Variants in AKR1E2 observed in about 807,000 individuals in gnomAD.
AKR1E2 encodes the protein aldo-keto reductase family 1 member E2.
A neutral mutation model predicts 41.9 loss-of-function variants in AKR1E2; 43 were observed. The ratio of observed to expected loss-of-function variants is 1.03; its 90% CI spans 0.80 to 1.32. The LOEUF (loss-of-function observed/expected upper bound fraction) is 1.32, where lower values mean the gene tolerates loss of function less well. Among genes scored for constraint, AKR1E2 ranks in the 40% most tolerant of loss-of-function variants. The pLI is 0.00. For missense variants in AKR1E2, 423 were observed against 396.5 expected (o/e 1.07, Z -0.57); for synonymous variants, 121 against 138.9 (o/e 0.87, Z 0.91).
At chr10:4,851,387 C>G (rs1031337511), downstream of AKR1E2, among the ~76,000 whole-genome samples, 1 of 152,212 alleles carries the variant, frequency 6.6e-6, no homozygotes, top group Admixed American at 6.5e-5. Flanking sequence ...ATGGGCGTGA[C>G]TCTAGGCCCA....
chr10:4,836,611 G>C (rs1469375776), intron 4 of AKR1E2, among the ~76,000 whole-genome samples: 1 of 152,196 alleles, frequency 6.6e-6, no homozygotes, highest in African/African-American at 2.4e-5. Context: ...GGAACCCTCG[G>C]ACAGGGAGGA....
At chr10:4,838,862 A>G (rs1467189975) in intron 5 of AKR1E2, among the ~76,000 whole-genome samples, 2 of 152,186 alleles carry the variant, frequency 1.3e-5, no homozygotes, top group African/African-American at 2.4e-5. Flanking sequence ...TGATTATGGC[A>G]TAGTCTGAGT....
In AKR1E2 at chr10:4,846,623, G is replaced by A. The variant is rs572532188; in HGVS notation, c.838-525G>A. Among the ~76,000 whole-genome samples the A allele has an allele frequency of 1.5e-4, 22 of 151,220 alleles. 1 individual carries two copies. The South Asian group carries it at 4.6e-3, about 32-fold the overall frequency. ...TGCAGTGGTGCGATCTCGGCTCACT[G>A]CAACCTCCACCTCCTGGGTTCAAGC... On this transcript the variant is annotated intron_variant, in intron 8 of 9. Transcript: ENST00000298375.
intron 8 of AKR1E2, among the ~76,000 whole-genome samples, chr10:4,845,135 C>G (rs535987013): frequency 6.6e-6 from 1 of 152,198 alleles, no homozygotes; most frequent in Non-Finnish European, 1.5e-5. Flanking sequence ...GGACCTAGCA[C>G]GCCCTCCTCA....
At chr10:4,830,863 G>C in intron 2 of AKR1E2, 21 bp downstream of exon 2, 1 of 1,613,500 alleles carries the variant, frequency 6.2e-7, no homozygotes, top group Non-Finnish European at 8.5e-7. Context: ...TCTATGCAAG[G>C]CTGGCAGAGC....
At chr10:4,839,321 G>A (rs1247560195) in intron 5 of AKR1E2, among the ~76,000 whole-genome samples, 1 of 152,190 alleles carries the variant, frequency 6.6e-6, no homozygotes, top group Non-Finnish European at 1.5e-5. Context: ...CTATCTTCAT[G>A]AGGCTTAGAT....
the AKR1E2 span, among the ~76,000 whole-genome samples, chr10:4,855,450 A>G: frequency 6.6e-6 from 1 of 152,148 alleles, no homozygotes; most frequent in Non-Finnish European, 1.5e-5. Context: ...TCCCAGAAAA[A>G]AACCGGATGA....
chr10:4,870,792 C>T, the AKR1E2 span, among the ~76,000 whole-genome samples: 1 of 151,994 alleles, frequency 6.6e-6, no homozygotes, highest in East Asian at 1.9e-4. Flanking sequence ...GATCACTTAT[C>T]TTCTTACTCT....
chr10:4,825,276 G>A (rs2961563), upstream of AKR1E2, among the ~76,000 whole-genome samples: 107,534 of 152,022 alleles, frequency 0.71, 39,755 homozygotes, highest in East Asian at 0.91. Flanking sequence ...AAGGAACCTA[G>A]AAACAAAGCC....
chr10:4,829,704 C>T (rs541003170), intron 1 of AKR1E2, among the ~76,000 whole-genome samples: 2 of 152,100 alleles, frequency 1.3e-5, no homozygotes, highest in African/African-American at 4.8e-5. Flanking sequence ...AAGTTATTGA[C>T]ATATAGTTAT....
chr10:4,835,447 T>C (rs1368303138), intron 3 of AKR1E2, among the ~76,000 whole-genome samples: 2 of 152,134 alleles, frequency 1.3e-5, no homozygotes, highest in Non-Finnish European at 2.9e-5. Context: ...TCCTTTCCCA[T>C]CTTGTGAGAG....
At chr10:4,872,616 T>G in the AKR1E2 span, among the ~76,000 whole-genome samples, 1 of 152,208 alleles carries the variant, frequency 6.6e-6, no homozygotes, top group Non-Finnish European at 1.5e-5. Context: ...CACTCTCTGT[T>G]ACCCCTACCC....
At chr10:4,848,962 C>T (rs537276491), downstream of AKR1E2, among the ~76,000 whole-genome samples, 6 of 152,330 alleles carry the variant, frequency 3.9e-5, no homozygotes, top group Admixed American at 3.9e-4. Context: ...CGACCAGTAT[C>T]ATTGCCATTG....
chr10:4,854,096 T>C, the AKR1E2 span, among the ~76,000 whole-genome samples: 1 of 133,148 alleles, frequency 7.5e-6, no homozygotes, highest in Non-Finnish European at 1.7e-5. Flanking sequence ...TTTTTTTTTT[T>C]TTTTTTTTTT....
intron 8 of AKR1E2, among the ~76,000 whole-genome samples, chr10:4,844,157 G>A (rs1318286242): frequency 1.3e-5 from 2 of 152,188 alleles, no homozygotes; most frequent in Non-Finnish European, 2.9e-5. Context: ...TCCTTCTGAT[G>A]TTCGGATGTG....
At chr10:4,872,843 G>T in the AKR1E2 span, among the ~76,000 whole-genome samples, 1 of 152,288 alleles carries the variant, frequency 6.6e-6, no homozygotes, top group South Asian at 2.1e-4. Context: ...AGAGAGAAAG[G>T]CTCTTCTAGG....
chr10:4,865,021 A>G, the AKR1E2 span, among the ~76,000 whole-genome samples: 39 of 152,186 alleles, frequency 2.6e-4, no homozygotes, highest in African/African-American at 9.2e-4. Flanking sequence ...ACTACAGAAA[A>G]ATTAGAAAGG....
At chr10:4,826,183 C>T (rs1161813627), upstream of AKR1E2, 3 of 586,328 alleles carry the variant, frequency 5.1e-6, no homozygotes, top group Non-Finnish European at 5.0e-6. Flanking sequence ...GTTCATGCTT[C>T]CAGCCATTGT....
At chr10:4,858,377 A>G in the AKR1E2 span, among the ~76,000 whole-genome samples, 1 of 152,218 alleles carries the variant, frequency 6.6e-6, no homozygotes, top group Non-Finnish European at 1.5e-5. Flanking sequence ...TCATTCATTC[A>G]TTGAGCCTAC....
Sources: allele counts gnomAD v4.1 joint callset (sites outside exome capture counted in the v4.1 genomes callset), GRCh38; gene constraint gnomAD v4.1.1; transcripts MANE v1.5; gene names NCBI Gene and HGNC (gene_info 2026-07-23, HGNC 2026-07-21).